Variants in PRDM15 observed in about 807,000 individuals in gnomAD.
PRDM15 encodes the protein PR/SET domain 15, also known as PR domain zinc finger protein 15.
PRDM15 carries 64 observed loss-of-function variants against 128.6 expected under a neutral mutation model. The observed-to-expected ratio is 0.50, with a 90% CI of 0.41 to 0.61. PRDM15 has a LOEUF of 0.61. PRDM15 is among the 20% of genes least tolerant of loss of function. The pLI, the probability that PRDM15 is intolerant of heterozygous loss-of-function variation, is 0.00. For synonymous variants in PRDM15, 615 were observed against 621.8 expected, an observed-to-expected ratio of 0.99 and a Z score of 0.16; for missense variants, 1,242 against 1,569.1, an observed-to-expected ratio of 0.79 and a Z score of 3.52.
At chr21:41,823,116 C>T (rs928846971) in intron 14 of PRDM15, 8 of 656,334 alleles carry the variant, frequency 1.2e-5, no homozygotes, top group South Asian at 4.9e-5. Flanking sequence ...AGTGAGAAGG[C>T]GCCGTCTACG....
At chr21:41,817,780 C>G (rs901355827) in intron 18 of PRDM15, among the ~76,000 whole-genome samples, 1 of 152,112 alleles carries the variant, frequency 6.6e-6, no homozygotes, top group African/African-American at 2.4e-5. Flanking sequence ...GCAACTGTTG[C>G]GTGATAGCAC....
chr21:41,842,371 T>A (rs2063099182), intron 6 of PRDM15, among the ~76,000 whole-genome samples: 1 of 152,248 alleles, frequency 6.6e-6, no homozygotes, highest in Admixed American at 6.5e-5. Context: ...ATGCTTATCT[T>A]CTCCACAATC....
chr21:41,839,919 C>T, intron 6 of PRDM15, 66 bp from the exon 7 acceptor site: 1 of 1,334,416 alleles, frequency 7.5e-7, no homozygotes, highest in Non-Finnish European at 1.1e-6. Flanking sequence ...CCCACCCTGG[C>T]CTCTGGTTCC....
Position 41,859,511 on chromosome 21 carries a change from C to G in PRDM15, c.131+81G>C. ...CTGTTCTCCCTCAGGCTCCTTCCTC[C>G]CCGTCTGCAGACCCAAAGGCCACTA... On this transcript the variant is annotated intron_variant, in intron 3 of 23. Coordinates refer to ENST00000398548, the MANE Select transcript of PRDM15 (RefSeq NM_001040424.3). This position sits in a 1 kb window ranked among gnomAD's most constrained non-coding sequence, Gnocchi z 5.3. 5.3e-6 allele frequency: 6 copies of G among 1,133,496 alleles called. No individual in the cohort carries two copies. The highest frequency in any genetic ancestry group is 7.7e-6 in the Non-Finnish European group (6 of 775,812). The allele number at this position is 1,133,496 out of a possible 1,614,324, so 70.2% of individuals were successfully genotyped here.
At chr21:41,837,696 T>C (rs1487171953) in intron 8 of PRDM15, among the ~76,000 whole-genome samples, 1 of 152,156 alleles carries the variant, frequency 6.6e-6, no homozygotes, top group African/African-American at 2.4e-5. Flanking sequence ...AATTTATGCA[T>C]ATTTAACCAA....
At chr21:41,829,012 CCA>C (rs1265160354) in intron 11 of PRDM15, among the ~76,000 whole-genome samples, 6 of 147,528 alleles carry the variant, frequency 4.1e-5, no homozygotes, top group Non-Finnish European at 6.0e-5. Context: ...ACCACACACA[CCA>C]CATACACACT....
chr21:41,810,916 C>G lies in PRDM15; in HGVS notation c.2393-80G>C, dbSNP rs1366760703. On this transcript the variant is annotated intron_variant, in intron 19 of 23. Transcript: ENST00000398548. The surrounding 1 kb of genome is among the most constrained non-coding windows in gnomAD (Gnocchi z 6.4). ...ATCAGGGCATGTCTTCTCCCTGACACGTTCCAGGCACTGTAGGGCCTTCAG... is the reference window on the plus strand; with the variant it reads ...ATCAGGGCATGTCTTCTCCCTGACAGGTTCCAGGCACTGTAGGGCCTTCAG... 3 of 1,272,190 alleles carry G rather than the reference C, an allele frequency of 2.4e-6. No individual in the cohort carries two copies. In the East Asian group the frequency reaches 7.0e-5, roughly 30 times the overall value. 78.8% of individuals were successfully genotyped at this position (1,272,190 alleles called of 1,614,324 possible).
chr21:41,839,292 T>C (rs1288492442), intron 7 of PRDM15, among the ~76,000 whole-genome samples: 2 of 152,122 alleles, frequency 1.3e-5, no homozygotes, highest in South Asian at 2.1e-4. Context: ...AATTCCAGGA[T>C]GGGTGGAATG....
intron 13 of PRDM15, among the ~76,000 whole-genome samples, chr21:41,825,000 C>T (rs1470435298): frequency 6.6e-6 from 1 of 152,214 alleles, no homozygotes; most frequent in Non-Finnish European, 1.5e-5. Context: ...CTCACGTGAG[C>T]TGTGTGTGGC....
chr21:41,861,768 G>C, intron 1 of PRDM15: 1 of 1,610,710 alleles, frequency 6.2e-7, no homozygotes, highest in Non-Finnish European at 8.5e-7. Context: ...GCAGTGCCGG[G>C]TTGAAAACTT....
In PRDM15 at chr21:41,859,798, C is replaced by T. The variant is rs73219086; in HGVS notation, c.38-113G>A. On this transcript the variant is annotated intron_variant, in intron 2 of 23. Coordinates refer to ENST00000398548, the MANE Select transcript of PRDM15 (RefSeq NM_001040424.3). The surrounding 1 kb of genome is among the most constrained non-coding windows in gnomAD (Gnocchi z 5.3). ...GAGGGTGACCCAGAGTCATGAGACACATGCATGCCGACACTGCAAAGACAA... is the reference window on the plus strand; with the variant it reads ...GAGGGTGACCCAGAGTCATGAGACATATGCATGCCGACACTGCAAAGACAA... 0.014 allele frequency: 11,057 copies of T among 814,532 alleles called. 146 individuals carry two copies. Among genetic ancestry groups the T allele is most frequent in the Non-Finnish European group, 0.016 (7,721 of 493,818 alleles). The allele number at this position is 814,532 out of a possible 1,614,324, so 50.5% of individuals were successfully genotyped here.
chr21:41,817,627 C>A (rs1049172132), intron 18 of PRDM15, among the ~76,000 whole-genome samples: 6 of 152,048 alleles, frequency 3.9e-5, no homozygotes, highest in Non-Finnish European at 8.8e-5. Flanking sequence ...TTATATGAAT[C>A]GTACGAAGGG....
rs2061844631 is a variant in PRDM15, at chr21:41,810,952, A to G, written c.2393-116T>C. The G allele has an allele frequency of 2.3e-6, 2 of 851,206 alleles. No homozygotes were observed. Among genetic ancestry groups the G allele is most frequent in the Admixed American group, 4.0e-5 (2 of 49,708 alleles). 52.7% of individuals were successfully genotyped at this position (851,206 alleles called of 1,614,324 possible). A position where few individuals can be genotyped will look rare whatever the true frequency, so the allele number is the denominator to read the frequency against. ...CTGTAGGGCCTTCAGGAGAAGGTGA[A>G]TTGCAAGAAGACAGCAGACAATGAA... is the stretch of plus-strand genomic sequence containing the variant. On this transcript the variant is annotated intron_variant, in intron 19 of 23. Transcript: ENST00000398548. This position sits in a 1 kb window ranked among gnomAD's most constrained non-coding sequence, Gnocchi z 6.4.
Position 41,804,630 on chromosome 21 carries a change from G to A in PRDM15, c.2653-16C>T. On this transcript the variant is annotated splice_polypyrimidine_tract_variant and intron_variant, in intron 21 of 23. Transcript: ENST00000398548. Reference sequence around the variant, plus strand: ...CCGCGAGCACCTATGAGGAGCACAGGGCATGAGCTGGGGGTCAGGGTGCTG... The same window carrying A: ...CCGCGAGCACCTATGAGGAGCACAGAGCATGAGCTGGGGGTCAGGGTGCTG... 1 of 1,538,728 alleles carries A rather than the reference G, an allele frequency of 6.5e-7. No homozygotes were observed. The highest frequency in any genetic ancestry group is 8.8e-7 in the Non-Finnish European group (1 of 1,142,264).
chr21:41,875,585 AG>A (rs1263779633), intron 1 of PRDM15, among the ~76,000 whole-genome samples: 1 of 152,260 alleles, frequency 6.6e-6, no homozygotes, highest in East Asian at 1.9e-4. Flanking sequence ...GTGACGTGAC[AG>A]CCATGGCCAT....
intron 12 of PRDM15, among the ~76,000 whole-genome samples, chr21:41,826,967 T>TA (rs1478407159): frequency 6.6e-6 from 1 of 152,228 alleles, no homozygotes; most frequent in Non-Finnish European, 1.5e-5. Flanking sequence ...CATCCACAGT[T>TA]ACTGGCATTT....
chr21:41,840,329 C>CACACACCT (rs1477494885), intron 6 of PRDM15, among the ~76,000 whole-genome samples: 3 of 151,902 alleles, frequency 2.0e-5, no homozygotes, highest in African/African-American at 7.3e-5. Flanking sequence ...GCCTGTAGTC[C>CACACACCT]CAGCCACTGG....
intron 1 of PRDM15, chr21:41,878,665 A>T: frequency 6.9e-7 from 1 of 1,457,840 alleles, no homozygotes; most frequent in East Asian, 2.6e-5. Context: ...TACGAAAATA[A>T]GGCGCAGGGG....
chr21:41,842,651 C>T (rs1472978707), intron 6 of PRDM15, among the ~76,000 whole-genome samples: 1 of 151,900 alleles, frequency 6.6e-6, no homozygotes, highest in East Asian at 1.9e-4. Flanking sequence ...CCACCGTGCC[C>T]AGCTAATTTT....
Sources: allele counts gnomAD v4.1 joint callset (sites outside exome capture counted in the v4.1 genomes callset), GRCh38; gene constraint gnomAD v4.1.1; non-coding constraint Gnocchi (gnomAD v3.1); transcripts MANE v1.5; gene names NCBI Gene and HGNC (gene_info 2026-07-23, HGNC 2026-07-21).